The following CUTC variants were observed in gnomAD, a reference collection of about 807,000 sequenced individuals.
CUTC encodes the protein cutC copper transporter.
A neutral mutation model predicts 36.2 loss-of-function variants in CUTC; 27 were observed. The ratio of observed to expected loss-of-function variants is 0.75; its 90% confidence interval spans 0.55 to 1.03. CUTC has a LOEUF of 1.03. Ranked by LOEUF, CUTC falls within the 50% of genes least tolerant of loss-of-function variation. The probability of loss-of-function intolerance (pLI) is 0.00; values close to 1 mark genes in which losing one functional copy is unlikely to be tolerated. For synonymous variants in CUTC, 114 were observed against 118.3 expected, an observed-to-expected ratio of 0.96 and a Z score of 0.24; for missense variants, 315 against 343.5, an observed-to-expected ratio of 0.92 and a Z score of 0.66.
intron 2 of CUTC, among the ~76,000 whole-genome samples, 193 bp from the exon 3 acceptor site, chr10:99,739,517 G>A (rs891889042): frequency 1.3e-5 from 2 of 152,118 alleles, no homozygotes; most frequent in African/African-American, 2.4e-5. Flanking sequence ...TTAAATTTGA[G>A]TATGAGTAAC....
chr10:99,753,002 C>T (rs1407874597), intron 7 of CUTC, among the ~76,000 whole-genome samples: 1 of 152,124 alleles, frequency 6.6e-6, no homozygotes, highest in Non-Finnish European at 1.5e-5. Flanking sequence ...TAGTTGCCCT[C>T]TAGGAACTTT....
intron 7 of CUTC, among the ~76,000 whole-genome samples, chr10:99,752,898 C>A (rs559327623): frequency 6.6e-6 from 1 of 152,256 alleles, no homozygotes; most frequent in Non-Finnish European, 1.5e-5. Context: ...AAATGTATTA[C>A]AATTTCATAT....
At chr10:99,737,135 T>C (rs2037303332) in intron 2 of CUTC, among the ~76,000 whole-genome samples, 1 of 151,758 alleles carries the variant, frequency 6.6e-6, no homozygotes, top group African/African-American at 2.4e-5. Context: ...CCAAGCGTGG[T>C]GGTGAGCACC....
At chr10:99,755,559 T>C (rs3184991) in intron 8 of CUTC, 66 bp from the exon 9 acceptor site, 269,327 of 967,014 alleles carry the variant, frequency 0.28, 38,510 homozygotes, top group Non-Finnish European at 0.3. Flanking sequence ...GTCTATAAAA[T>C]GAAGCGGCAG....
chr10:99,752,262 G>A (rs1039694198), intron 7 of CUTC, among the ~76,000 whole-genome samples: 8 of 151,924 alleles, frequency 5.3e-5, no homozygotes, highest in Non-Finnish European at 1.2e-4. Flanking sequence ...TGCTCCTGAC[G>A]TCCCAGCTAC....
rs774478411 is a variant in CUTC, at chr10:99,743,275, G to C, written c.316G>C (p.Ala106Pro). The change falls in exon 4 of 9, where the codon GCC becomes CCC. Residue 106 changes from alanine (A) to proline (P), a missense_variant. By Grantham distance (27) the Ala-to-Pro change is conservative. Coordinates refer to ENST00000370476, the MANE Select transcript of CUTC (RefSeq NM_015960.3). The stretch of plus-strand genomic sequence containing the variant: ...GGTGATGAAGGCTGACATTCGTCTT[G>C]CCAAGCTTTATGGTGCTGATGGTTT... The part of the protein sequence containing the change: ...IEVMKADIRL[A>P]KLYGADGLVF... 5 of 1,614,138 alleles carry C rather than the reference G, an allele frequency of 3.1e-6. No individual in the cohort carries two copies. In the Middle Eastern group the frequency reaches 6.6e-4, roughly 213 times the overall value.
intron 7 of CUTC, among the ~76,000 whole-genome samples, 184 bp downstream of exon 7, chr10:99,750,580 G>A (rs946709132): frequency 2.6e-5 from 4 of 152,120 alleles, no homozygotes; most frequent in Non-Finnish European, 5.9e-5. Flanking sequence ...GAATTTAAAA[G>A]TTTAGATAAG....
chr10:99,746,275 C>T (rs907423463), intron 5 of CUTC, among the ~76,000 whole-genome samples: 1 of 152,132 alleles, frequency 6.6e-6, no homozygotes, highest in African/African-American at 2.4e-5. Context: ...AAACCAAATA[C>T]CACATGTTCT....
At position 99,739,709 on chromosome 10, in the gene CUTC, G is replaced by C. The variant is rs1320676723; in HGVS notation, c.134-1G>C. On this transcript the variant is annotated splice_acceptor_variant, in intron 2 of 8. Coordinates refer to ENST00000370476, the MANE Select transcript of CUTC (RefSeq NM_015960.3). LOFTEE classifies it high-confidence loss of function. ...TGTTGAGCAATGCTTTTATATTACA[G>C]GTGCTGATCGGATTGAATTATGTTC... is the stretch of plus-strand genomic sequence containing the variant. The C allele has an allele frequency of 1.9e-6, 3 of 1,609,320 alleles. No homozygotes were observed. The highest frequency in any genetic ancestry group is 2.7e-5 in the African/African-American group (2 of 74,734).
intron 3 of CUTC, among the ~76,000 whole-genome samples, chr10:99,741,318 T>C (rs2037339052): frequency 6.6e-6 from 1 of 152,200 alleles, no homozygotes; most frequent in South Asian, 2.1e-4. Context: ...GAAATTTTCC[T>C]GTCTGGCTGG....
At chr10:99,732,430 G>A (rs750608064) in intron 1 of CUTC, 21 bp downstream of exon 1, 88 of 1,549,406 alleles carry the variant, frequency 5.7e-5, no homozygotes, top group Non-Finnish European at 7.4e-5. Flanking sequence ...TGGCGGGGGA[G>A]GGGACGGTCG....
intron 8 of CUTC, among the ~76,000 whole-genome samples, chr10:99,754,984 A>G (rs1279737049): frequency 1.4e-4 from 1 of 7,062 alleles, no homozygotes; most frequent in African/African-American, 2.8e-4. Context: ...TGGTGTAAGG[A>G]TGGAAGAGTC....
chr10:99,754,743 C>CG, intron 8 of CUTC, 109 bp downstream of exon 8: 2 of 725,992 alleles, frequency 2.8e-6, no homozygotes, highest in Non-Finnish European at 4.8e-6. Context: ...AATATTGTGA[C>CG]TACTACATAA....
intron 8 of CUTC, among the ~76,000 whole-genome samples, chr10:99,754,991 A>C (rs2037444232): frequency 1.4e-3 from 5 of 3,522 alleles, no homozygotes; most frequent in Non-Finnish European, 8.8e-3. Context: ...AGGATGGAAG[A>C]GTCAGTCATT....
Position 99,743,290 on chromosome 10 carries a change from G to T in CUTC, c.331G>T (p.Ala111Ser), listed in dbSNP as rs1369440168. ...ADIRLAKLYG[A>S]DGLVFGALTE... ...CATTCGTCTTGCCAAGCTTTATGGTGCTGATGGTTTGGTTTTTGGGGCATT... is the reference window on the plus strand; with the variant it reads ...CATTCGTCTTGCCAAGCTTTATGGTTCTGATGGTTTGGTTTTTGGGGCATT... Residue 111 changes from alanine to serine, a missense_variant, in exon 4 of 9, where the codon GCT (alanine) becomes TCT (serine). By Grantham distance (99) the Ala-to-Ser change is moderately conservative (BLOSUM62 1). Transcript: ENST00000370476. 1.2e-6 allele frequency: 2 copies of T among 1,614,158 alleles called. No homozygotes were observed. The highest frequency in any genetic ancestry group is 1.7e-6 in the Non-Finnish European group (2 of 1,180,034).
intron 3 of CUTC, among the ~76,000 whole-genome samples, chr10:99,741,897 T>C (rs538188148): frequency 1.3e-5 from 2 of 152,290 alleles, no homozygotes; most frequent in African/African-American, 4.8e-5. Context: ...AAATCCTTTT[T>C]TTAAACCATT....
rs534108140 is a variant in CUTC at position 99,741,881 on chromosome 10, T to TA, written c.194-1264dup. Among the ~76,000 whole-genome samples the TA allele has an allele frequency of 1.4e-4, 22 of 152,212 alleles. No individual in the cohort carries two copies. In the South Asian group the frequency reaches 3.9e-3, roughly 27 times the overall value. On this transcript the variant is annotated intron_variant, in intron 3 of 8. Transcript: ENST00000370476. ...GCCACCGTACCAAGCCTATCTTTTT[T>TA]AAAAAAAATCCTTTTTTTAAACCAT...
chr10:99,743,999 A>G lies in CUTC; in HGVS notation c.404-38A>G, dbSNP rs751218802. On this transcript the variant is annotated intron_variant, in intron 4 of 8. Coordinates refer to ENST00000370476, the MANE Select transcript of CUTC (RefSeq NM_015960.3). Reference sequence around the variant, plus strand: ...TCTATATATAGTAATCAGTGATGACATCTTCATTCATGTTGTTATATGACT... The same window carrying G: ...TCTATATATAGTAATCAGTGATGACGTCTTCATTCATGTTGTTATATGACT... 2.5e-6 allele frequency: 4 copies of G among 1,574,824 alleles called. No homozygotes were observed. In the South Asian group the frequency reaches 3.4e-5, roughly 13 times the overall value.
intron 3 of CUTC, among the ~76,000 whole-genome samples, chr10:99,742,324 T>C (rs766332840): frequency 5.9e-5 from 9 of 152,158 alleles, no homozygotes; most frequent in Non-Finnish European, 1.0e-4. Context: ...ACTCTGAGGT[T>C]GATAATAGCA....
Sources: allele counts gnomAD v4.1 joint callset (sites outside exome capture counted in the v4.1 genomes callset), GRCh38; gene constraint gnomAD v4.1.1; transcripts MANE v1.5; gene names NCBI Gene and HGNC (gene_info 2026-07-23, HGNC 2026-07-21).